DLGAP1: variants seen among roughly 807,000 people sequenced by gnomAD.
DLGAP1 encodes DLG associated protein 1.
DLGAP1 carries 11 observed loss-of-function variants against 90.8 expected under a neutral mutation model. The observed-to-expected ratio is 0.12, with a 90% CI of 0.08 to 0.20. DLGAP1 has a LOEUF of 0.20. Ranked by LOEUF, DLGAP1 falls within the 10% of genes least tolerant of loss-of-function variation. DLGAP1 has a pLI of 1.00. For synonymous variants in DLGAP1, 558 were observed against 540.7 expected, an observed-to-expected ratio of 1.03 and a Z score of -0.44; for missense variants, 1,050 against 1,333.8, an observed-to-expected ratio of 0.79 and a Z score of 3.31.
intron 3 of DLGAP1, among the ~76,000 whole-genome samples, chr18:3,942,368 C>T (rs1248302879): frequency 2.6e-5 from 4 of 152,152 alleles, no homozygotes; most frequent in East Asian, 1.9e-4. Context: ...GGAAGGCAGG[C>T]GTCTGACTGC....
intron 1 of DLGAP1, among the ~76,000 whole-genome samples, chr18:4,188,763 C>A (rs2077344372): frequency 6.6e-6 from 1 of 152,160 alleles, no homozygotes; most frequent in African/African-American, 2.4e-5. Context: ...GTAGATAGTG[C>A]TGCAATAAAC....
At chr18:4,361,991 A>G (rs2144108096) in intron 1 of DLGAP1, among the ~76,000 whole-genome samples, 1 of 152,344 alleles carries the variant, frequency 6.6e-6, no homozygotes, top group East Asian at 1.9e-4. Context: ...GATGGTCAAC[A>G]TCACTAATCA....
At chr18:3,622,295 CG>C in intron 7 of DLGAP1, among the ~76,000 whole-genome samples, 1 of 151,988 alleles carries the variant, frequency 6.6e-6, no homozygotes, top group South Asian at 2.1e-4. Context: ...TTAGTAGAGA[CG>C]GGGTTTCACT....
intron 1 of DLGAP1, among the ~76,000 whole-genome samples, chr18:4,373,506 C>T (rs183448395): frequency 6.6e-6 from 1 of 152,250 alleles, no homozygotes; most frequent in Non-Finnish European, 1.5e-5. Context: ...CTGTTTGCAC[C>T]TGGTGCCCAC....
intron 4 of DLGAP1, among the ~76,000 whole-genome samples, chr18:3,816,735 A>G (rs891457679): frequency 6.6e-6 from 1 of 152,144 alleles, no homozygotes; most frequent in Non-Finnish European, 1.5e-5. Context: ...GCTCACTCAG[A>G]GTTACAGCTA....
intron 1 of DLGAP1, among the ~76,000 whole-genome samples, chr18:4,216,477 A>G (rs1188181731): frequency 1.3e-5 from 2 of 152,112 alleles, no homozygotes; most frequent in African/African-American, 4.8e-5. Flanking sequence ...CACCATTTTG[A>G]ATGTTTAGAA....
At position 3,879,641 on chromosome 18, in the gene DLGAP1, T is replaced by C. The variant is rs1309582249; in HGVS notation, c.428A>G (p.His143Arg). Residue 143 changes from histidine (H) to arginine (R), a missense_variant, in exon 4 of 13, where the codon CAC (histidine) becomes CGC (arginine). Physicochemically the swap from His to Arg is conservative, Grantham distance 29. Around this residue, in one of 2 missense-constraint regions of DLGAP1, gnomAD observed 485 missense variants for 454.1 expected, o/e 1.07. Coordinates refer to ENST00000315677, the MANE Select transcript of DLGAP1 (RefSeq NM_004746.4). The surrounding 1 kb of genome is among the most constrained non-coding windows in gnomAD (Gnocchi z 6.6). ...DSPGRIRHLV[H>R]SVQKLFTKSH... ...CTTGGTGAAGAGCTTCTGGACCGAG[T>C]GCACCAGGTGGCGGATGCGGCCGGG... is the stretch of plus-strand genomic sequence containing the variant. 1.9e-6 allele frequency: 3 copies of C among 1,605,106 alleles called. No homozygotes were observed. The highest frequency in any genetic ancestry group is 2.5e-6 in the Non-Finnish European group (3 of 1,179,192).
Position 3,649,347 on chromosome 18 carries a change from C to G in DLGAP1, c.1592-67099G>C, listed in dbSNP as rs185705038. Among the ~76,000 whole-genome samples the G allele has an allele frequency of 1.2e-4, 19 of 152,292 alleles. No homozygotes were observed. The East Asian group carries it at 3.7e-3, about 29-fold the overall frequency. ...ATGCCACAGGTCCCAGAAAGGTGAT[C>G]AGAGAGCTCTATCCAACACGAGGAG... On this transcript the variant is annotated intron_variant, in intron 7 of 12. Coordinates refer to ENST00000315677, the MANE Select transcript of DLGAP1 (RefSeq NM_004746.4).
chr18:3,859,279 A>T (rs192697786), intron 4 of DLGAP1, among the ~76,000 whole-genome samples: 1 of 152,328 alleles, frequency 6.6e-6, no homozygotes, highest in African/African-American at 2.4e-5. Context: ...ATATACAATG[A>T]TCTCATTTAG....
chr18:4,337,100 T>G (rs543904834), intron 1 of DLGAP1, among the ~76,000 whole-genome samples: 2 of 138,578 alleles, frequency 1.4e-5, no homozygotes, highest in African/African-American at 5.4e-5. Flanking sequence ...GGCGACAGAG[T>G]GAGACTCCAT....
chr18:4,192,428 A>C (rs1289943060), intron 1 of DLGAP1, among the ~76,000 whole-genome samples: 1 of 152,202 alleles, frequency 6.6e-6, no homozygotes, highest in Non-Finnish European at 1.5e-5. Flanking sequence ...CAGCACTTAG[A>C]AATAGTAATA....
intron 1 of DLGAP1, among the ~76,000 whole-genome samples, chr18:4,200,633 T>A (rs1323326622): frequency 1.3e-5 from 2 of 151,782 alleles, no homozygotes; most frequent in Non-Finnish European, 2.9e-5. Flanking sequence ...AATATTAAAA[T>A]TTTTTACTAC....
chr18:3,978,565 C>T (rs2073650774), intron 3 of DLGAP1: 2 of 231,720 alleles, frequency 8.6e-6, no homozygotes, highest in East Asian at 1.1e-4. Context: ...TTCCGGTGAC[C>T]AGGTGCCCAA....
rs1381688001 is a variant in DLGAP1 at position 4,084,533 on chromosome 18, C to T, written c.-159+66647G>A. 6.6e-6 allele frequency among the ~76,000 whole-genome samples: 1 copy of T among 152,070 alleles called. No homozygotes were observed. Among genetic ancestry groups the T allele is most frequent in the Non-Finnish European group, 1.5e-5 (1 of 68,018 alleles). On this transcript the variant is annotated intron_variant, in intron 2 of 12. Transcript: ENST00000315677. This position sits in a 1 kb window ranked among gnomAD's most constrained non-coding sequence, Gnocchi z 4.0. ...CTATGACCCTCGTGTGAAAGGTGTC[C>T]ACCCTATACCCACAGGACAGGAGCA...
chr18:4,159,741 G>A (rs971849882), intron 1 of DLGAP1, among the ~76,000 whole-genome samples: 4 of 152,158 alleles, frequency 2.6e-5, no homozygotes, highest in African/African-American at 9.7e-5. Context: ...TTACAATCAC[G>A]AAATACATAG....
chr18:3,867,153 G>T (rs2070448424), intron 4 of DLGAP1, among the ~76,000 whole-genome samples: 1 of 152,136 alleles, frequency 6.6e-6, no homozygotes, highest in Admixed American at 6.6e-5. Flanking sequence ...CGCCCAGCCA[G>T]AATCAGTGTT....
At chr18:3,682,332 G>A (rs1429439342) in intron 7 of DLGAP1, among the ~76,000 whole-genome samples, 1 of 151,998 alleles carries the variant, frequency 6.6e-6, no homozygotes, top group African/African-American at 2.4e-5. Context: ...CATGCTTCCT[G>A]TTCAGCCTGC....
intron 3 of DLGAP1, among the ~76,000 whole-genome samples, chr18:3,903,882 AC>A (rs538842734): frequency 4.8e-4 from 73 of 152,352 alleles, no homozygotes; most frequent in Admixed American, 1.2e-3. Context: ...AATGTTAGTA[AC>A]ATTAGTGTTT....
intron 3 of DLGAP1, among the ~76,000 whole-genome samples, chr18:3,907,092 C>G (rs1016631908): frequency 1.3e-5 from 2 of 152,026 alleles, no homozygotes; most frequent in Admixed American, 6.5e-5. Flanking sequence ...TATTATAATA[C>G]TATACGATTT....
Sources: gnomAD v4.1 joint callset for allele counts (sites outside exome capture counted in the v4.1 genomes callset) on GRCh38, gnomAD v4.1.1 for gene constraint, gnomAD v4.1.1 regional missense constraint, Gnocchi (gnomAD v3.1) non-coding constraint, MANE v1.5 for transcripts, NCBI Gene and HGNC (gene_info 2026-07-23, HGNC 2026-07-21) for gene names.